The following PPP6R3 variants were observed in gnomAD, a reference collection of about 807,000 sequenced individuals.
The protein encoded by PPP6R3 is protein phosphatase 6 regulatory subunit 3.
A neutral mutation model predicts 110.7 loss-of-function variants in PPP6R3; 38 were observed. The observed-to-expected ratio is 0.34, with a 90% CI of 0.26 to 0.45. The LOEUF (loss-of-function observed/expected upper bound fraction) is 0.45, where lower values mean the gene tolerates loss of function less well. PPP6R3 is among the 20% of genes least tolerant of loss of function. The pLI is 1.00. For synonymous variants in PPP6R3, 369 were observed against 373.5 expected, an observed-to-expected ratio of 0.99 and a Z score of 0.14; for missense variants, 870 against 1,062.4, an observed-to-expected ratio of 0.82 and a Z score of 2.52.
intron 23 of PPP6R3, among the ~76,000 whole-genome samples, chr11:68,611,906 T>G (rs1594192379): frequency 6.6e-6 from 1 of 152,228 alleles, no homozygotes; most frequent in South Asian, 2.1e-4. Context: ...GCAGGCGCGC[T>G]GTTTCCTGTC....
chr11:68,570,982 A>T, intron 11 of PPP6R3, 58 bp from the exon 12 acceptor site: 1 of 1,551,586 alleles, frequency 6.4e-7, no homozygotes, highest in Non-Finnish European at 8.7e-7. Flanking sequence ...GTTCTGTTTC[A>T]CTTTAAAGTT....
At position 68,601,964 on chromosome 11, in the gene PPP6R3, C is replaced by A; in HGVS notation, c.2294C>A (p.Pro765Gln). The A allele has an allele frequency of 6.2e-7, 1 of 1,611,510 alleles. No individual in the cohort carries two copies. Among genetic ancestry groups the A allele is most frequent in the Non-Finnish European group, 8.5e-7 (1 of 1,178,676 alleles). ...TPSAAALAVQPEAAGSVAMEA... is the reference protein window; with the variant it reads ...TPSAAALAVQQEAAGSVAMEA... ...AGTGCGGCTGCCCTGGCAGTGCAGC[C>A]AGAAGGTGCGTGCAGAGAGGCCTGG... Residue 765 changes from proline (P) to glutamine (Q), a missense_variant, in exon 21 of 24, where the codon CCA (proline) becomes CAA (glutamine). Pro to Gln is a moderately conservative substitution (Grantham distance 76). Coordinates refer to ENST00000393800, the MANE Select transcript of PPP6R3 (RefSeq NM_001164161.2).
In PPP6R3 at chr11:68,519,538, G is replaced by A; in HGVS notation, c.-120G>A. 1 of 398,118 alleles carries A rather than the reference G, an allele frequency of 2.5e-6. No individual in the cohort carries two copies. The highest frequency in any genetic ancestry group is 4.4e-6 in the Non-Finnish European group (1 of 225,944). The allele number at this position is 398,118 out of a possible 1,614,324, so 24.7% of individuals were successfully genotyped here. A position where few individuals can be genotyped will look rare whatever the true frequency, so the allele number is the denominator to read the frequency against. ...CATATCCATATCCCACTGTATTCCT[G>A]CTAATCTGCTAATGCAGTAAATTGG... On this transcript the variant is annotated 5_prime_UTR_variant, in exon 2 of 24. Coordinates refer to ENST00000393800, the MANE Select transcript of PPP6R3 (RefSeq NM_001164161.2).
At chr11:68,561,040 GCGCCCGCCACTA>G (rs1030824919) in intron 8 of PPP6R3, among the ~76,000 whole-genome samples, 17 of 151,214 alleles carry the variant, frequency 1.1e-4, no homozygotes, top group Non-Finnish European at 3.0e-5. Flanking sequence ...GGGACTACAG[GCGCCCGCCACTA>G]CGCCCAGCTA....
chr11:68,489,556 G>A (rs1427102769), intron 1 of PPP6R3, among the ~76,000 whole-genome samples: 2 of 151,506 alleles, frequency 1.3e-5, no homozygotes, highest in Admixed American at 6.6e-5. Context: ...GTGTGTTTGT[G>A]TGTGTGTGTG....
rs1480473649 is a variant in PPP6R3, at chr11:68,476,423, G to C, written c.-158+15596G>C. Among the ~76,000 whole-genome samples, 4 of 144,316 alleles carry C rather than the reference G, an allele frequency of 2.8e-5. No individual in the cohort carries two copies. The East Asian group carries it at 6.3e-4, about 23-fold the overall frequency. The allele number at this position is 144,316 out of a possible 152,430, so 94.7% of individuals were successfully genotyped here. Reference sequence around the variant, plus strand: ...GCCGAGATGGCAGCAGTACAGTCCAGCTTCGGCTGGGCATCAGAGGGAGAC... The same window carrying C: ...GCCGAGATGGCAGCAGTACAGTCCACCTTCGGCTGGGCATCAGAGGGAGAC... On this transcript the variant is annotated intron_variant, in intron 1 of 23. Coordinates refer to ENST00000393800, the MANE Select transcript of PPP6R3 (RefSeq NM_001164161.2).
chr11:68,477,741 A>AAATATATATATATATATATATAT, intron 1 of PPP6R3, among the ~76,000 whole-genome samples: 38 of 57,878 alleles, frequency 6.6e-4, no homozygotes, highest in South Asian at 3.0e-3. Flanking sequence ...AAAAAAAAAA[A>AAATATATATATATATATATATAT]ATATATATAT....
intron 22 of PPP6R3, among the ~76,000 whole-genome samples, chr11:68,608,253 A>G (rs1258051670): frequency 2.0e-5 from 3 of 152,252 alleles, no homozygotes; most frequent in Admixed American, 6.5e-5. Context: ...GAAAACCCAA[A>G]TTAGAAAATT....
chr11:68,530,139 G>A (rs1348658801), intron 2 of PPP6R3, among the ~76,000 whole-genome samples: 1 of 152,076 alleles, frequency 6.6e-6, no homozygotes. Context: ...TTTTTGATGT[G>A]GCTACTAGAA....
intron 14 of PPP6R3, among the ~76,000 whole-genome samples, chr11:68,581,158 T>C (rs2099552921): frequency 6.6e-6 from 1 of 152,200 alleles, no homozygotes; most frequent in African/African-American, 2.4e-5. Flanking sequence ...TCCATTAATG[T>C]AATTATGAAG....
At chr11:68,607,838 A>G (rs557074293) in intron 22 of PPP6R3, among the ~76,000 whole-genome samples, 7 of 151,976 alleles carry the variant, frequency 4.6e-5, no homozygotes, top group Non-Finnish European at 1.0e-4. Context: ...CAGTGGCACA[A>G]TCATAGCTCA....
rs1015906913 is a variant in PPP6R3, at chr11:68,530,969, G to A, written c.-6-6690G>A. Reference sequence around the variant, plus strand: ...GATCACCAGTAGTTTCTTTCTTCAGGGTTCTAATAGTTTATCTTTTGTCAT... The same window carrying A: ...GATCACCAGTAGTTTCTTTCTTCAGAGTTCTAATAGTTTATCTTTTGTCAT... On this transcript the variant is annotated intron_variant, in intron 2 of 23. Coordinates refer to ENST00000393800, the MANE Select transcript of PPP6R3 (RefSeq NM_001164161.2). 2.6e-5 allele frequency among the ~76,000 whole-genome samples: 4 copies of A among 151,946 alleles called. No homozygotes were observed. In the East Asian group the frequency reaches 7.7e-4, roughly 29 times the overall value.
chr11:68,594,088 G>GAA (rs1276156939), intron 18 of PPP6R3, among the ~76,000 whole-genome samples: 1 of 152,082 alleles, frequency 6.6e-6, no homozygotes, highest in Non-Finnish European at 1.5e-5. Context: ...TTAACACTAA[G>GAA]AAAAAGCCAG....
intron 15 of PPP6R3, among the ~76,000 whole-genome samples, chr11:68,583,460 G>A (rs1203256644): frequency 6.6e-6 from 1 of 152,216 alleles, no homozygotes; most frequent in Non-Finnish European, 1.5e-5. Flanking sequence ...TTAAAGATTT[G>A]TGTAGTAGAG....
intron 12 of PPP6R3, among the ~76,000 whole-genome samples, chr11:68,572,430 T>A (rs1016910195): frequency 1.3e-5 from 2 of 152,318 alleles, no homozygotes; most frequent in South Asian, 4.1e-4. Flanking sequence ...ACCTTAGAGA[T>A]GGGCCTTTGT....
Position 68,476,860 on chromosome 11 carries a change from T to C in PPP6R3, c.-158+16033T>C, listed in dbSNP as rs2098836386. 2.0e-5 allele frequency among the ~76,000 whole-genome samples: 3 copies of C among 151,362 alleles called. No individual in the cohort carries two copies. In the South Asian group the frequency reaches 6.3e-4, roughly 32 times the overall value. On this transcript the variant is annotated intron_variant, in intron 1 of 23. Transcript: ENST00000393800. ...AACATAGTGAGACCCCAGCTCTACA[T>C]ATATATATTTTTTTATTTAGCTGGG...
At chr11:68,525,897 G>T (rs2099194641) in intron 2 of PPP6R3, among the ~76,000 whole-genome samples, 1 of 152,096 alleles carries the variant, frequency 6.6e-6, no homozygotes, top group Non-Finnish European at 1.5e-5. Flanking sequence ...ACATAACTGG[G>T]TTTCACTTAA....
chr11:68,480,127 T>G (rs1452475326), intron 1 of PPP6R3, among the ~76,000 whole-genome samples: 1 of 152,206 alleles, frequency 6.6e-6, no homozygotes, highest in Non-Finnish European at 1.5e-5. Flanking sequence ...AGTACTCTGT[T>G]TAGATCTTAT....
intron 1 of PPP6R3, among the ~76,000 whole-genome samples, chr11:68,478,096 C>G (rs1273116078): frequency 1.3e-5 from 2 of 151,896 alleles, no homozygotes; most frequent in East Asian, 3.9e-4. Flanking sequence ...ATTACAGGCA[C>G]CCGCCACCAT....
Sources: gnomAD v4.1 joint callset for allele counts (sites outside exome capture counted in the v4.1 genomes callset) on GRCh38, gnomAD v4.1.1 for gene constraint, MANE v1.5 for transcripts, NCBI Gene and HGNC (gene_info 2026-07-23, HGNC 2026-07-21) for gene names.